Variants in RTTN observed in about 807,000 individuals in gnomAD.
RTTN encodes rotatin.
RTTN carries 182 observed loss-of-function variants against 269.2 expected under a neutral mutation model. The observed-to-expected ratio is 0.68, with a 90% CI of 0.60 to 0.76. The LOEUF is 0.76. Ranked by LOEUF, RTTN falls within the 30% of genes least tolerant of loss-of-function variation. The pLI, the probability that RTTN is intolerant of heterozygous loss-of-function variation, is 0.00. For synonymous variants in RTTN, 1,006 were observed against 963.5 expected (o/e 1.04, Z -0.82); for missense variants, 2,545 against 2,608.6 (o/e 0.98, Z 0.53).
At chr18:70,098,912 G>A (rs995709709) in intron 28 of RTTN, among the ~76,000 whole-genome samples, 29 of 152,224 alleles carry the variant, frequency 1.9e-4, no homozygotes, top group African/African-American at 6.5e-4. Flanking sequence ...CTGTCCTTGC[G>A]ATAGTTTGCT....
At chr18:70,082,050 T>C (rs867312597) in intron 32 of RTTN, among the ~76,000 whole-genome samples, 2 of 152,138 alleles carry the variant, frequency 1.3e-5, no homozygotes, top group Non-Finnish European at 2.9e-5. Context: ...TCTACAAATT[T>C]CCTATAAATC....
chr18:70,138,141 T>G (rs2060168761), intron 21 of RTTN: 1 of 152,338 alleles, frequency 6.6e-6, no homozygotes, highest in Non-Finnish European at 1.5e-5. Context: ...TACCCAGGCA[T>G]GGTGGCAGGC....
chr18:70,196,222 C>T (rs1422566638), intron 7 of RTTN, among the ~76,000 whole-genome samples: 2 of 151,972 alleles, frequency 1.3e-5, no homozygotes, highest in African/African-American at 4.8e-5. Context: ...GTCACTACAT[C>T]CCAACAACAC....
At chr18:70,152,414 G>A (rs2060562615) in intron 14 of RTTN, among the ~76,000 whole-genome samples, 2 of 152,118 alleles carry the variant, frequency 1.3e-5, no homozygotes, top group Admixed American at 6.6e-5. Flanking sequence ...AGAGCTGTTA[G>A]GAGGATTCAA....
intron 23 of RTTN, 69 bp downstream of exon 23, chr18:70,134,404 T>C: frequency 1.7e-6 from 2 of 1,170,088 alleles, no homozygotes; most frequent in East Asian, 2.4e-5. Context: ...TGACAAATTA[T>C]AGATTTTGAT....
rs551771556 is a variant in RTTN at position 70,184,764 on chromosome 18, G to A, written c.1305+3344C>T. On this transcript the variant is annotated intron_variant, in intron 10 of 48. Coordinates refer to ENST00000640769, the MANE Select transcript of RTTN (RefSeq NM_173630.4). Reference sequence around the variant, plus strand: ...TGTGTGTGTGTGTGTGTGTGGTGGCGGGCGCCTGTAGTCCCAGCTACTTGG... The same window carrying A: ...TGTGTGTGTGTGTGTGTGTGGTGGCAGGCGCCTGTAGTCCCAGCTACTTGG... 7.5e-3 allele frequency among the ~76,000 whole-genome samples: 916 copies of A among 122,848 alleles called. 9 individuals carry two copies. Among genetic ancestry groups the A allele is most frequent in the African/African-American group, 0.024 (859 of 35,820 alleles). The allele number at this position is 122,848 out of a possible 152,430, so 80.6% of individuals were successfully genotyped here.
At chr18:70,058,346 G>A (rs28391051) in intron 36 of RTTN, among the ~76,000 whole-genome samples, 2,774 of 152,088 alleles carry the variant, frequency 0.018, 76 homozygotes, top group African/African-American at 0.063. Flanking sequence ...GTGAAACCCC[G>A]TCTCTACTAA....
chr18:70,131,172 T>A (rs1292648342), intron 23 of RTTN: 2 of 145,208 alleles, frequency 1.4e-5, no homozygotes, highest in East Asian at 4.0e-4. Flanking sequence ...CTGACAGAAA[T>A]CATTGCTAAT....
At chr18:70,190,471 G>A in intron 9 of RTTN, 67 bp downstream of exon 9, 1 of 1,284,238 alleles carries the variant, frequency 7.8e-7, no homozygotes, top group Non-Finnish European at 1.1e-6. Flanking sequence ...AGAAAAAAAG[G>A]AAAATCCTAA....
intron 43 of RTTN, among the ~76,000 whole-genome samples, chr18:70,027,617 C>T (rs1275460492): frequency 2.0e-5 from 3 of 152,074 alleles, no homozygotes; most frequent in Non-Finnish European, 2.9e-5. Flanking sequence ...ACTGCACATA[C>T]ACATGAAATT....
intron 35 of RTTN, among the ~76,000 whole-genome samples, chr18:70,065,217 T>C (rs1467574386): frequency 2.0e-5 from 3 of 149,034 alleles, no homozygotes; most frequent in Non-Finnish European, 4.4e-5. Context: ...GTATAGTCCT[T>C]TCAAGTCAAA....
At chr18:70,028,258 A>C (rs1049519958) in intron 43 of RTTN, among the ~76,000 whole-genome samples, 1 of 152,020 alleles carries the variant, frequency 6.6e-6, no homozygotes, top group African/African-American at 2.4e-5. Context: ...GTAAATGGTC[A>C]CAGGGAGTCA....
rs758583609 is a variant in RTTN, at chr18:70,051,430, C to T, written c.5304G>A (p.Lys1768=). The change falls in exon 39 of 49, where the codon AAG becomes AAA. Residue 1768 remains lysine, a synonymous_variant. Transcript: ENST00000640769. ...TLPFVTVALA[K]HWTAAIDMFC... is the part of the protein sequence containing the mutation. ...TCTTACCAATCGCCGCTGTCCAGTGCTTGGCCAGGGCCACGGTAACAAACG... is the reference window on the plus strand; with the variant it reads ...TCTTACCAATCGCCGCTGTCCAGTGTTTGGCCAGGGCCACGGTAACAAACG... The T allele has an allele frequency of 8.1e-6, 13 of 1,613,202 alleles. No homozygotes were observed. The Admixed American group carries it at 8.4e-5, about 10-fold the overall frequency.
intron 11 of RTTN, among the ~76,000 whole-genome samples, chr18:70,176,190 T>G (rs5013425): frequency 6.8e-4 from 92 of 135,346 alleles, no homozygotes; most frequent in Admixed American, 1.5e-3. Flanking sequence ...TATACGTAGA[T>G]GTAGATGTAG....
At chr18:70,094,260 T>C (rs558732059) in intron 28 of RTTN, among the ~76,000 whole-genome samples, 29 of 152,312 alleles carry the variant, frequency 1.9e-4, no homozygotes, top group South Asian at 4.1e-4. Flanking sequence ...CCTGGATTCA[T>C]TGATTTTTTT....
intron 34 of RTTN, among the ~76,000 whole-genome samples, chr18:70,073,513 T>C (rs1001917636): frequency 3.9e-5 from 6 of 152,142 alleles, no homozygotes; most frequent in Non-Finnish European, 7.4e-5. Context: ...TCTCTTCTAA[T>C]ACTAACGAAA....
chr18:70,065,270 T>TAAAAAAAAAAAAAAAAAAAAAAAAA (rs61422284), intron 35 of RTTN, among the ~76,000 whole-genome samples: 1 of 132,940 alleles, frequency 7.5e-6, no homozygotes, highest in Non-Finnish European at 1.6e-5. Flanking sequence ...CTCTAGAATT[T>TAAAAAAAAAAAAAAAAAAAAAAAAA]AAAAAAAAAA....
chr18:70,156,427 T>C (rs1217065351), intron 14 of RTTN, among the ~76,000 whole-genome samples: 2 of 152,202 alleles, frequency 1.3e-5, no homozygotes, highest in African/African-American at 4.8e-5. Flanking sequence ...ACTGATAAGA[T>C]GTTATCAATG....
intron 14 of RTTN, among the ~76,000 whole-genome samples, chr18:70,161,753 T>C (rs1308690004): frequency 1.3e-5 from 2 of 152,050 alleles, no homozygotes; most frequent in Non-Finnish European, 2.9e-5. Context: ...AAATGCTCAA[T>C]ATCACTAATC....
Sources: gnomAD v4.1 joint callset for allele counts (sites outside exome capture counted in the v4.1 genomes callset) on GRCh38, gnomAD v4.1.1 for gene constraint, MANE v1.5 for transcripts, NCBI Gene and HGNC (gene_info 2026-07-23, HGNC 2026-07-21) for gene names.